KLF8: variants seen among roughly 807,000 people sequenced by gnomAD.
KLF8 encodes the protein Krueppel-like factor 8.
In KLF8, 10 loss-of-function variants were observed where a neutral mutation model predicts 18.2. The ratio of observed to expected loss-of-function variants is 0.55; its 90% CI spans 0.34 to 0.93. KLF8 has a LOEUF of 0.93. Among genes scored for constraint, KLF8 ranks in the 40% least tolerant of loss-of-function variants. The pLI is 0.02. For synonymous variants in KLF8, 109 were observed against 97.3 expected, an observed-to-expected ratio of 1.12 and a Z score of -0.71; for missense variants, 264 against 277.9, an observed-to-expected ratio of 0.95 and a Z score of 0.36.
At chrX:56,049,416 C>G in the KLF8 span, among the ~76,000 whole-genome samples, 2 of 110,670 alleles carry the variant, frequency 1.8e-5, no homozygotes, top group South Asian at 7.7e-4. Context: ...TCATAGATAG[C>G]TCTTATTATT....
the KLF8 span, among the ~76,000 whole-genome samples, chrX:56,213,314 C>CTTTTTTTTTTTTT: frequency 8.3e-5 from 1 of 12,016 alleles, no homozygotes; most frequent in Non-Finnish European, 1.6e-4. Context: ...CTTTTCTTTT[C>CTTTTTTTTTTTTT]TTTTTTTTTT....
chrX:56,066,438 G>T, the KLF8 span, among the ~76,000 whole-genome samples: 3 of 112,306 alleles, frequency 2.7e-5, no homozygotes, highest in Admixed American at 9.4e-5. Context: ...GTATGTGCAG[G>T]TTGGTGCAGC....
chrX:56,010,574 C>A, the KLF8 span, among the ~76,000 whole-genome samples: 3 of 111,641 alleles, frequency 2.7e-5, no homozygotes, highest in African/African-American at 9.8e-5. Context: ...AAATAACCAG[C>A]TAGCATCATG....
At chrX:56,136,101 G>A in the KLF8 span, among the ~76,000 whole-genome samples, 1 of 110,981 alleles carries the variant, frequency 9.0e-6, no homozygotes, top group Non-Finnish European at 1.9e-5. Flanking sequence ...AAATAAAAGA[G>A]GATAAAAACA....
chrX:55,993,436 C>T, the KLF8 span, among the ~76,000 whole-genome samples: 2 of 111,995 alleles, frequency 1.8e-5, no homozygotes, highest in Non-Finnish European at 3.8e-5. Context: ...ACTTGCATTC[C>T]AGAAATAAAG....
the KLF8 span, among the ~76,000 whole-genome samples, chrX:56,075,037 A>G: frequency 9.0e-6 from 1 of 111,058 alleles, no homozygotes. Flanking sequence ...TGCAATGTAT[A>G]ATAATCACAT....
the KLF8 span, among the ~76,000 whole-genome samples, chrX:55,958,227 A>T: frequency 1.8e-5 from 2 of 111,887 alleles, no homozygotes; most frequent in South Asian, 7.4e-4. Context: ...GTTGAATACC[A>T]GCCATGGAAT....
At chrX:56,060,146 CTTCCTCTT>C in the KLF8 span, among the ~76,000 whole-genome samples, 1 of 111,657 alleles carries the variant, frequency 9.0e-6, no homozygotes, top group African/African-American at 3.3e-5. Context: ...GACAATCTGA[CTTCCTCTT>C]TTCCTATTTG....
At chrX:56,152,377 T>A in the KLF8 span, among the ~76,000 whole-genome samples, 1 of 111,009 alleles carries the variant, frequency 9.0e-6, no homozygotes, top group Non-Finnish European at 1.9e-5. Context: ...TGTAGACAAA[T>A]GGGTCTCACT....
Position 56,285,585 on chromosome X carries a change from A to T in KLF8, c.*1091A>T, listed in dbSNP as rs1033229910. On this transcript the variant is annotated 3_prime_UTR_variant, in exon 6 of 6. Transcript: ENST00000468660. ...GGAAAAATGGAATGTTGTTCACTCC[A>T]TGGAATTATTGGCATTCATTCCTGT... 8.9e-6 allele frequency: 1 copy of T among 112,018 alleles called. No individual in the cohort carries two copies. The highest frequency in any genetic ancestry group is 1.9e-5 in the Non-Finnish European group (1 of 53,192). The allele number at this position is 112,018 out of a possible 1,213,427, so 9.2% of individuals were successfully genotyped here. A position where few individuals can be genotyped will look rare whatever the true frequency, so the allele number is the denominator to read the frequency against.
chrX:55,985,031 G>T, the KLF8 span, among the ~76,000 whole-genome samples: 1 of 107,849 alleles, frequency 9.3e-6, no homozygotes, highest in Non-Finnish European at 1.9e-5. Flanking sequence ...TTACACCTTT[G>T]TCAGATAAAT....
At chrX:56,045,782 T>G in the KLF8 span, among the ~76,000 whole-genome samples, 1 of 111,671 alleles carries the variant, frequency 9.0e-6, no homozygotes. Context: ...CTGAATGCAT[T>G]TATCAGATCT....
the KLF8 span, among the ~76,000 whole-genome samples, chrX:56,190,108 C>T: frequency 1.8e-5 from 2 of 110,821 alleles, no homozygotes; most frequent in African/African-American, 6.5e-5. Flanking sequence ...TATAAAGAAA[C>T]ATATACAATA....
At chrX:56,246,033 A>G (rs2066618593) in intron 1 of KLF8, among the ~76,000 whole-genome samples, 1 of 112,052 alleles carries the variant, frequency 8.9e-6, no homozygotes, top group Non-Finnish European at 1.9e-5. Flanking sequence ...CAATATTTAG[A>G]AGGTTGACCA....
At chrX:56,052,845 T>G in the KLF8 span, among the ~76,000 whole-genome samples, 2 of 111,573 alleles carry the variant, frequency 1.8e-5, no homozygotes, top group Non-Finnish European at 3.8e-5. Context: ...GCCTGGGCAA[T>G]GGCGGGCACC....
At chrX:56,183,881 G>A in the KLF8 span, among the ~76,000 whole-genome samples, 4 of 111,279 alleles carry the variant, frequency 3.6e-5, no homozygotes, top group East Asian at 5.7e-4. Context: ...ATCAGGACCC[G>A]GAGGTGGCAG....
the KLF8 span, among the ~76,000 whole-genome samples, chrX:56,191,843 C>T: frequency 5.4e-5 from 6 of 110,874 alleles, no homozygotes; most frequent in African/African-American, 1.3e-4. Context: ...TAATAAAAGC[C>T]ATATATGACA....
chrX:56,275,101 C>T (rs1450442332), intron 5 of KLF8, among the ~76,000 whole-genome samples: 1 of 111,572 alleles, frequency 9.0e-6, no homozygotes, highest in Admixed American at 9.5e-5. Context: ...GTAGTACAAA[C>T]ATTTTAACAA....
chrX:56,199,761 T>C, the KLF8 span, among the ~76,000 whole-genome samples: 6 of 111,819 alleles, frequency 5.4e-5, no homozygotes, highest in Admixed American at 5.7e-4. Flanking sequence ...AAATCATGCT[T>C]CTATAAAGAC....
Sources: gnomAD v4.1 joint callset for allele counts (sites outside exome capture counted in the v4.1 genomes callset) on GRCh38, gnomAD v4.1.1 for gene constraint, MANE v1.5 for transcripts, NCBI Gene and HGNC (gene_info 2026-07-23, HGNC 2026-07-21) for gene names.